Variants in RARB observed in about 807,000 individuals in gnomAD.
RARB encodes retinoic acid receptor beta.
Under a neutral mutation model 51.9 loss-of-function variants are expected in RARB, and 17 were observed. The ratio of observed to expected loss-of-function variants is 0.33; its 90% confidence interval spans 0.22 to 0.49. RARB has a LOEUF of 0.49. RARB is among the 20% of genes least tolerant of loss of function. The pLI is 0.99. For missense variants in RARB, 369 were observed against 550.8 expected, an observed-to-expected ratio of 0.67 and a Z score of 3.30; for synonymous variants, 215 against 195.4, an observed-to-expected ratio of 1.10 and a Z score of -0.84.
chr3:25,158,317 A>C (rs1021663955), intron 4 of RARB, among the ~76,000 whole-genome samples: 1 of 152,142 alleles, frequency 6.6e-6, no homozygotes, highest in African/African-American at 2.4e-5. Flanking sequence ...AATATTAATC[A>C]CTTAGAAATA....
intron 4 of RARB, among the ~76,000 whole-genome samples, chr3:25,137,188 G>T (rs981578573): frequency 1.3e-5 from 2 of 151,952 alleles, no homozygotes; most frequent in African/African-American, 4.8e-5. Flanking sequence ...TGGCTGAGTT[G>T]TATTTAAAAG....
intron 2 of RARB, among the ~76,000 whole-genome samples, chr3:25,499,327 G>A (rs139677191): frequency 0.011 from 1,678 of 152,266 alleles, 16 homozygotes; most frequent in Middle Eastern, 0.051. Flanking sequence ...GTAGTTTCTC[G>A]TGTAGGTATA....
intron 5 of RARB, among the ~76,000 whole-genome samples, chr3:25,295,102 C>G (rs1703886240): frequency 6.6e-6 from 1 of 152,136 alleles, no homozygotes; most frequent in Admixed American, 6.5e-5. Flanking sequence ...CTCTCATATG[C>G]TAGAGGGGCA....
intron 2 of RARB, among the ~76,000 whole-genome samples, chr3:24,985,942 C>T (rs1696785455): frequency 6.6e-6 from 1 of 152,312 alleles, no homozygotes; most frequent in East Asian, 1.9e-4. Context: ...AAACTAAGAA[C>T]AGAGACTTAG....
chr3:24,879,708 T>A (rs971573103), intron 2 of RARB, among the ~76,000 whole-genome samples: 3 of 152,062 alleles, frequency 2.0e-5, no homozygotes, highest in Non-Finnish European at 4.4e-5. Flanking sequence ...GGATTTAGGA[T>A]CACCGTGGCA....
intron 5 of RARB, among the ~76,000 whole-genome samples, chr3:25,237,688 T>A (rs768831169): frequency 5.3e-5 from 8 of 152,110 alleles, no homozygotes; most frequent in Non-Finnish European, 1.0e-4. Context: ...TTCCAGAACA[T>A]GTTATATCAC....
At chr3:25,143,631 C>T (rs988631372) in intron 4 of RARB, among the ~76,000 whole-genome samples, 2 of 152,166 alleles carry the variant, frequency 1.3e-5, no homozygotes, top group African/African-American at 4.8e-5. Context: ...CTTTACATCT[C>T]CTCTGTCATA....
At chr3:24,966,856 C>G (rs1338191838) in intron 2 of RARB, among the ~76,000 whole-genome samples, 1 of 152,070 alleles carries the variant, frequency 6.6e-6, no homozygotes, top group Admixed American at 6.6e-5. Context: ...ATCATTATGT[C>G]CATTAATTAA....
chr3:25,567,679 C>A (rs73050040), intron 3 of RARB, among the ~76,000 whole-genome samples: 1 of 152,036 alleles, frequency 6.6e-6, no homozygotes, highest in African/African-American at 2.4e-5. Context: ...GGAATTGCTG[C>A]GTCACATGGT....
chr3:24,915,133 T>C (rs182177832), intron 2 of RARB, among the ~76,000 whole-genome samples: 18 of 152,324 alleles, frequency 1.2e-4, no homozygotes, highest in Non-Finnish European at 5.9e-5. Context: ...CTGTTGGTTT[T>C]AGACAAGAGA....
intron 4 of RARB, among the ~76,000 whole-genome samples, chr3:25,157,749 T>C (rs1700403183): frequency 6.6e-6 from 1 of 152,196 alleles, no homozygotes; most frequent in Non-Finnish European, 1.5e-5. Context: ...GTGTGCTAAG[T>C]CCTGTTATTT....
chr3:24,908,688 T>TTA (rs1553613049), intron 2 of RARB, among the ~76,000 whole-genome samples: 151 of 131,384 alleles, frequency 1.1e-3, no homozygotes, highest in African/African-American at 4.0e-3. Context: ...TTTTTTTTTT[T>TTA]ACTAACCTAC....
intron 2 of RARB, among the ~76,000 whole-genome samples, chr3:24,933,034 T>A (rs1695473822): frequency 6.6e-6 from 1 of 152,104 alleles, no homozygotes; most frequent in African/African-American, 2.4e-5. Flanking sequence ...AACCCAGATT[T>A]GTGACATTTC....
At chr3:25,115,767 C>T (rs1359932951) in intron 3 of RARB, among the ~76,000 whole-genome samples, 1 of 151,630 alleles carries the variant, frequency 6.6e-6, no homozygotes, top group Non-Finnish European at 1.5e-5. Context: ...GCTCAAACTA[C>T]AGCACATGCC....
intron 4 of RARB, among the ~76,000 whole-genome samples, chr3:25,138,174 C>T (rs1700059368): frequency 6.6e-6 from 1 of 152,094 alleles, no homozygotes; most frequent in Non-Finnish European, 1.5e-5. Context: ...TCTGGCGTGG[C>T]CCAATAGTCA....
chr3:25,219,879 A>C (rs1304194935), intron 5 of RARB, among the ~76,000 whole-genome samples: 10 of 152,192 alleles, frequency 6.6e-5, no homozygotes, highest in Non-Finnish European at 1.3e-4. Flanking sequence ...TTGATACAGG[A>C]AAAAATAATC....
chr3:24,843,536 ACT>A (rs1702445862), intron 1 of RARB, among the ~76,000 whole-genome samples: 2 of 152,068 alleles, frequency 1.3e-5, no homozygotes, highest in African/African-American at 2.4e-5. Flanking sequence ...AGTTCCACAC[ACT>A]CATTTCCCTC....
intron 2 of RARB, among the ~76,000 whole-genome samples, chr3:25,485,452 A>G (rs1696418783): frequency 6.6e-6 from 1 of 152,192 alleles, no homozygotes; most frequent in Non-Finnish European, 1.5e-5. Context: ...CTTCAGGTCT[A>G]GCCCCACTCA....
chr3:25,320,155 A>C (rs915418201), intron 5 of RARB, among the ~76,000 whole-genome samples: 1 of 151,928 alleles, frequency 6.6e-6, no homozygotes, highest in Admixed American at 6.6e-5. Context: ...ACATCCCCAT[A>C]CCCACTTCCT....
Sources: allele counts gnomAD v4.1 joint callset (sites outside exome capture counted in the v4.1 genomes callset), GRCh38; gene constraint gnomAD v4.1.1; transcripts MANE v1.5; gene names NCBI Gene and HGNC (gene_info 2026-07-23, HGNC 2026-07-21).